The following SGCZ variants were observed in gnomAD, a reference collection of about 807,000 sequenced individuals.
SGCZ encodes zeta-sarcoglycan.
A neutral mutation model predicts 41.3 loss-of-function variants in SGCZ; 40 were observed. The ratio of observed to expected loss-of-function variants is 0.97; its 90% CI spans 0.75 to 1.26. SGCZ has a LOEUF of 1.26. Ranked by LOEUF, SGCZ falls within the 50% of genes most tolerant of loss-of-function variation. SGCZ has a pLI of 0.00. For synonymous variants in SGCZ, 206 were observed against 137.5 expected (o/e 1.50, Z -3.49); for missense variants, 552 against 369.8 (o/e 1.49, Z -4.04).
intron 1 of SGCZ, among the ~76,000 whole-genome samples, chr8:15,051,871 A>C (rs963353851): frequency 4.6e-5 from 7 of 152,196 alleles, no homozygotes; most frequent in African/African-American, 1.4e-4. Context: ...TTGAGCTGGA[A>C]GGATAGGAAG....
chr8:14,568,726 A>G (rs1342887290), intron 1 of SGCZ, among the ~76,000 whole-genome samples: 1 of 152,208 alleles, frequency 6.6e-6, no homozygotes, highest in Non-Finnish European at 1.5e-5. Context: ...GAATTCAGTT[A>G]AAGTTAAATT....
chr8:14,305,466 G>C (rs1427185342), intron 3 of SGCZ, among the ~76,000 whole-genome samples: 1 of 152,088 alleles, frequency 6.6e-6, no homozygotes, highest in Middle Eastern at 3.2e-3. Flanking sequence ...AAATTCTGTT[G>C]TAAATGTGGA....
intron 1 of SGCZ, among the ~76,000 whole-genome samples, chr8:14,896,761 G>T (rs867344504): frequency 2.5e-4 from 38 of 150,948 alleles, no homozygotes; most frequent in African/African-American, 8.3e-4. Flanking sequence ...ACAGGCGTGG[G>T]CCACCACACC....
chr8:14,534,561 T>A (rs1402585970), intron 2 of SGCZ, among the ~76,000 whole-genome samples: 1 of 151,946 alleles, frequency 6.6e-6, no homozygotes, highest in Non-Finnish European at 1.5e-5. Context: ...TAAGAAACAG[T>A]CTTGTTTTTG....
At chr8:14,427,073 T>TGAATGAATGAATGAAC (rs1563322041) in intron 2 of SGCZ, among the ~76,000 whole-genome samples, 2 of 150,472 alleles carry the variant, frequency 1.3e-5, no homozygotes, top group African/African-American at 4.9e-5. Context: ...AATGAGTGAA[T>TGAATGAATGAATGAAC]GAACGAATGA....
intron 1 of SGCZ, among the ~76,000 whole-genome samples, chr8:15,200,455 C>T (rs145196480): frequency 3.9e-5 from 6 of 152,234 alleles, no homozygotes; most frequent in Admixed American, 1.3e-4. Context: ...CGTGGCTGAG[C>T]TCCATGAATA....
intron 4 of SGCZ, 36 bp downstream of exon 4, chr8:14,237,556 G>A (rs778784741): frequency 1.9e-6 from 3 of 1,562,752 alleles, no homozygotes; most frequent in African/African-American, 1.4e-5. Flanking sequence ...AAAAAACCAA[G>A]CACAGTAGGA....
chr8:15,024,549 A>T (rs964381053), intron 1 of SGCZ, among the ~76,000 whole-genome samples: 1 of 152,166 alleles, frequency 6.6e-6, no homozygotes, highest in African/African-American at 2.4e-5. Flanking sequence ...TTTATATGGA[A>T]TGTTAGAAGG....
intron 2 of SGCZ, among the ~76,000 whole-genome samples, chr8:14,353,327 T>C (rs559352594): frequency 6.6e-6 from 1 of 152,244 alleles, no homozygotes; most frequent in Admixed American, 6.5e-5. Flanking sequence ...TTCTTTCTGA[T>C]TCTTTCCTTG....
chr8:14,634,070 T>A (rs576070031), intron 1 of SGCZ, among the ~76,000 whole-genome samples: 106 of 151,996 alleles, frequency 7.0e-4, no homozygotes, highest in African/African-American at 2.4e-3. Flanking sequence ...ATATGTAATT[T>A]CACATTTTAT....
At chr8:14,173,358 G>A (rs1585200609) in intron 4 of SGCZ, among the ~76,000 whole-genome samples, 1 of 151,940 alleles carries the variant, frequency 6.6e-6, no homozygotes. Flanking sequence ...AAGGAAGACG[G>A]ACATAATGAA....
At chr8:14,303,388 G>T (rs1801255998) in intron 3 of SGCZ, among the ~76,000 whole-genome samples, 1 of 151,898 alleles carries the variant, frequency 6.6e-6, no homozygotes, top group Non-Finnish European at 1.5e-5. Context: ...TAAATATCAA[G>T]ATAATAAATT....
chr8:15,173,075 T>G (rs1799892702), intron 1 of SGCZ, among the ~76,000 whole-genome samples: 1 of 152,196 alleles, frequency 6.6e-6, no homozygotes, highest in Admixed American at 6.5e-5. Flanking sequence ...CACTGTAGTC[T>G]AAGGGGTTGT....
chr8:14,678,663 G>A (rs1292109279), intron 1 of SGCZ, among the ~76,000 whole-genome samples: 1 of 152,196 alleles, frequency 6.6e-6, no homozygotes, highest in African/African-American at 2.4e-5. Flanking sequence ...CTTATCCTAT[G>A]ATCCAGCAAT....
chr8:14,092,973 A>C (rs1169825166), intron 7 of SGCZ, among the ~76,000 whole-genome samples: 1 of 151,984 alleles, frequency 6.6e-6, no homozygotes, highest in African/African-American at 2.4e-5. Flanking sequence ...AAAATGCTTT[A>C]TTCTAAATCA....
chr8:14,779,855 T>A (rs1435174755), intron 1 of SGCZ, among the ~76,000 whole-genome samples: 1 of 152,232 alleles, frequency 6.6e-6, no homozygotes, highest in Non-Finnish European at 1.5e-5. Context: ...TATTAATAAT[T>A]GCATTTAATT....
At chr8:14,617,121 G>C (rs1172728929) in intron 1 of SGCZ, among the ~76,000 whole-genome samples, 1 of 152,114 alleles carries the variant, frequency 6.6e-6, no homozygotes, top group Non-Finnish European at 1.5e-5. Context: ...TTGAGAGAAA[G>C]AAAGAATCAG....
intron 1 of SGCZ, among the ~76,000 whole-genome samples, chr8:14,978,639 G>A (rs997661030): frequency 6.6e-6 from 1 of 151,778 alleles, no homozygotes; most frequent in Non-Finnish European, 1.5e-5. Context: ...ACTTCCACTA[G>A]GCCTGAAACA....
At chr8:14,170,985 C>G (rs894900914) in intron 4 of SGCZ, among the ~76,000 whole-genome samples, 1 of 151,894 alleles carries the variant, frequency 6.6e-6, no homozygotes, top group African/African-American at 2.4e-5. Context: ...ATCTCACATT[C>G]GCTAAATTCA....
Sources: gnomAD v4.1 joint callset for allele counts (sites outside exome capture counted in the v4.1 genomes callset) on GRCh38, gnomAD v4.1.1 for gene constraint, MANE v1.5 for transcripts, NCBI Gene and HGNC (gene_info 2026-07-23, HGNC 2026-07-21) for gene names.